SUMF1: variants seen among roughly 807,000 people sequenced by gnomAD.
SUMF1 encodes the protein formylglycine-generating enzyme.
SUMF1 carries 48 observed loss-of-function variants against 47.6 expected under a neutral mutation model. That is an observed-to-expected ratio of 1.01 (90% CI 0.80 to 1.28). The LOEUF (loss-of-function observed/expected upper bound fraction) is 1.28, where lower values mean the gene tolerates loss of function less well. SUMF1 is among the 50% of genes most tolerant of loss of function. SUMF1 has a pLI of 0.00. For synonymous variants in SUMF1, 230 were observed against 192.1 expected (o/e 1.20, Z -1.63); for missense variants, 571 against 485.4 (o/e 1.18, Z -1.66).
At chr3:4,081,433 T>C (rs1469009427) in intron 8 of SUMF1, among the ~76,000 whole-genome samples, 1 of 152,144 alleles carries the variant, frequency 6.6e-6, no homozygotes, top group Non-Finnish European at 1.5e-5. Context: ...AACTTTATTA[T>C]CTAATTGAGT....
intron 8 of SUMF1, among the ~76,000 whole-genome samples, chr3:4,350,304 G>C (rs1575119575): frequency 6.6e-6 from 1 of 151,556 alleles, no homozygotes. Flanking sequence ...TTACAGGCTT[G>C]AGCCACCACT....
chr3:4,162,482 T>G (rs547825023), intron 8 of SUMF1, among the ~76,000 whole-genome samples: 1 of 152,142 alleles, frequency 6.6e-6, no homozygotes, highest in Admixed American at 6.5e-5. Context: ...AAAACTCAAG[T>G]TCTGATTGCT....
intron 8 of SUMF1, among the ~76,000 whole-genome samples, chr3:4,110,558 G>A (rs566112090): frequency 6.6e-6 from 1 of 152,094 alleles, no homozygotes; most frequent in Non-Finnish European, 1.5e-5. Flanking sequence ...GTTTATAGTG[G>A]CACTGTTCAC....
intron 8 of SUMF1, among the ~76,000 whole-genome samples, chr3:4,318,287 G>C (rs917436056): frequency 6.6e-6 from 1 of 151,982 alleles, no homozygotes; most frequent in Admixed American, 6.6e-5. Flanking sequence ...AAGCAAGATT[G>C]GTTTAACATA....
intron 9 of SUMF1, among the ~76,000 whole-genome samples, chr3:4,038,079 C>T (rs906675083): frequency 3.3e-5 from 5 of 152,104 alleles, no homozygotes; most frequent in African/African-American, 4.8e-5. Flanking sequence ...GGCTGTAGAT[C>T]GTGGCTTGAC....
intron 8 of SUMF1, among the ~76,000 whole-genome samples, chr3:4,197,416 G>A (rs1279461083): frequency 6.6e-6 from 1 of 152,024 alleles, no homozygotes; most frequent in Admixed American, 6.6e-5. Flanking sequence ...ATGGTTTCAC[G>A]GAAAGATTAA....
At chr3:4,177,490 A>G (rs1482947003) in intron 8 of SUMF1, among the ~76,000 whole-genome samples, 1 of 152,210 alleles carries the variant, frequency 6.6e-6, no homozygotes, top group Non-Finnish European at 1.5e-5. Flanking sequence ...TTTGAAACCA[A>G]TGAGAACAAA....
intron 8 of SUMF1, among the ~76,000 whole-genome samples, chr3:4,344,162 G>C (rs1385575653): frequency 6.6e-6 from 1 of 152,188 alleles, no homozygotes; most frequent in Non-Finnish European, 1.5e-5. Flanking sequence ...GGCAACCAAG[G>C]TATCCAGGTT....
At chr3:4,340,411 A>G (rs1431657854) in intron 8 of SUMF1, among the ~76,000 whole-genome samples, 3 of 152,104 alleles carry the variant, frequency 2.0e-5, no homozygotes, top group Non-Finnish European at 4.4e-5. Context: ...AGCTCTACAG[A>G]CTGTGTAATA....
At chr3:4,419,974 T>C in intron 4 of SUMF1, 90 bp downstream of exon 4, 1 of 984,646 alleles carries the variant, frequency 1.0e-6, no homozygotes, top group Admixed American at 1.9e-5. Flanking sequence ...ATTTTATAGA[T>C]GAAGATGCCC....
At chr3:4,340,105 G>GCACA (rs143927076) in intron 8 of SUMF1, among the ~76,000 whole-genome samples, 5,279 of 150,630 alleles carry the variant, frequency 0.035, 276 homozygotes, top group African/African-American at 0.11. Flanking sequence ...GCACCAATGT[G>GCACA]CACACACACA....
chr3:4,213,662 G>A lies in SUMF1; in HGVS notation c.1015-144917C>T, dbSNP rs187093424. Among the ~76,000 whole-genome samples, 372 of 152,152 alleles carry A rather than the reference G, an allele frequency of 2.4e-3. 3 individuals are homozygous for A. Among genetic ancestry groups the A allele is most frequent in the Non-Finnish European group, 7.6e-4 (52 of 67,984 alleles). ...CCCATCAGTGTGCTGTATTCAGGAG[G>A]CTCATCTCATGTTCAAAGACACACA... is the stretch of plus-strand genomic sequence containing the variant. On this transcript the variant is annotated intron_variant and NMD_transcript_variant, in intron 8 of 12. Coordinates refer to the SUMF1 transcript ENST00000448413.
intron 3 of SUMF1, among the ~76,000 whole-genome samples, chr3:4,425,238 A>C (rs1702031719): frequency 6.6e-6 from 1 of 152,196 alleles, no homozygotes; most frequent in South Asian, 2.1e-4. Flanking sequence ...CAAGATCTTC[A>C]GCTGCTTATT....
chr3:4,291,078 T>C (rs1697732352), intron 8 of SUMF1, among the ~76,000 whole-genome samples: 1 of 152,174 alleles, frequency 6.6e-6, no homozygotes, highest in Non-Finnish European at 1.5e-5. Context: ...CCACATAAAA[T>C]GTTTTGTCTA....
chr3:4,317,472 C>T, intron 8 of SUMF1: 2 of 471,144 alleles, frequency 4.2e-6, no homozygotes, highest in South Asian at 5.3e-5. Flanking sequence ...CACTTGAGTC[C>T]AATTGTTCAG....
intron 8 of SUMF1, among the ~76,000 whole-genome samples, chr3:4,322,580 A>T (rs1335494769): frequency 6.6e-6 from 1 of 151,848 alleles, no homozygotes; most frequent in African/African-American, 2.4e-5. Context: ...GGATCCCTTG[A>T]CCCTAGGAGC....
At chr3:4,057,176 C>T (rs1695207664) in intron 9 of SUMF1, among the ~76,000 whole-genome samples, 1 of 152,124 alleles carries the variant, frequency 6.6e-6, no homozygotes, top group African/African-American at 2.4e-5. Context: ...ACAAGGGTAG[C>T]ACCACCAGCT....
chr3:4,330,970 C>T (rs574545360), intron 8 of SUMF1, among the ~76,000 whole-genome samples: 71 of 152,170 alleles, frequency 4.7e-4, no homozygotes, highest in African/African-American at 1.6e-3. Context: ...AATTCAAGGG[C>T]CCAGACTCTA....
At chr3:4,393,116 C>T (rs552984834) in intron 7 of SUMF1, among the ~76,000 whole-genome samples, 3 of 152,140 alleles carry the variant, frequency 2.0e-5, no homozygotes, top group East Asian at 1.9e-4. Flanking sequence ...GTTACTTGCG[C>T]GATCTCCCTG....
Sources: allele counts gnomAD v4.1 joint callset (sites outside exome capture counted in the v4.1 genomes callset), GRCh38; gene constraint gnomAD v4.1.1; transcripts MANE v1.5; gene names NCBI Gene and HGNC (gene_info 2026-07-23, HGNC 2026-07-21).